NIPAL3: variants seen among roughly 807,000 people sequenced by gnomAD.
NIPAL3 encodes NIPA like domain containing 3.
A neutral mutation model predicts 47.2 loss-of-function variants in NIPAL3; 41 were observed. That is an observed-to-expected ratio of 0.87 (90% CI 0.68 to 1.13). NIPAL3 has a LOEUF of 1.13. Ranked by LOEUF, NIPAL3 falls within the 50% of genes most tolerant of loss-of-function variation. The pLI, the probability that NIPAL3 is intolerant of heterozygous loss-of-function variation, is 0.00. For missense variants in NIPAL3, 449 were observed against 530.1 expected (o/e 0.85, Z 1.50); for synonymous variants, 194 against 209.6 (o/e 0.93, Z 0.64).
chr1:24,428,258 AAG>A (rs56082168), intron 2 of NIPAL3, among the ~76,000 whole-genome samples: 2,156 of 119,522 alleles, frequency 0.018, 54 homozygotes, highest in East Asian at 0.072. Flanking sequence ...CTCAAAAAGA[AAG>A]AGAGAGAGAG....
chr1:24,442,906 G>A (rs1645463767), intron 4 of NIPAL3, among the ~76,000 whole-genome samples: 1 of 152,224 alleles, frequency 6.6e-6, no homozygotes, highest in African/African-American at 2.4e-5. Flanking sequence ...GTGTTTGAGT[G>A]CTGCAGTGAG....
At chr1:24,422,635 G>C (rs952829438) in intron 2 of NIPAL3, among the ~76,000 whole-genome samples, 24 of 152,254 alleles carry the variant, frequency 1.6e-4, no homozygotes, top group African/African-American at 5.5e-4. Context: ...AATCAGCCAG[G>C]TGTGGGAATT....
At chr1:24,427,189 T>A (rs1044802745) in intron 2 of NIPAL3, among the ~76,000 whole-genome samples, 2 of 152,188 alleles carry the variant, frequency 1.3e-5, no homozygotes, top group African/African-American at 4.8e-5. Flanking sequence ...GCATTTATGG[T>A]TTCCAACCTG....
intron 6 of NIPAL3, among the ~76,000 whole-genome samples, chr1:24,452,052 T>C (rs1645963313): frequency 6.6e-6 from 1 of 152,242 alleles, no homozygotes; most frequent in South Asian, 2.1e-4. Context: ...TTAATGTTTC[T>C]GGGTTTTTTT....
chr1:24,470,161 A>G lies in NIPAL3; in HGVS notation c.*976A>G, dbSNP rs930784484. The G allele has an allele frequency of 5.3e-5, 8 of 152,176 alleles. No individual in the cohort carries two copies. The highest frequency in any genetic ancestry group is 2.0e-4 in the Admixed American group (3 of 15,272). The allele number at this position is 152,176 out of a possible 1,614,324, so 9.4% of individuals were successfully genotyped here. A position where few individuals can be genotyped will look rare whatever the true frequency, so the allele number is the denominator to read the frequency against. ...TTACTGGTTAATTTCCTTGAAGTCA[A>G]TAGAGACTCTCTGGGTCCTCATCCC... is the stretch of plus-strand genomic sequence containing the variant. On this transcript the variant is annotated 3_prime_UTR_variant, in exon 12 of 12. Coordinates refer to ENST00000374399, the MANE Select transcript of NIPAL3 (RefSeq NM_020448.5).
intron 10 of NIPAL3, among the ~76,000 whole-genome samples, chr1:24,463,595 C>T (rs1646570965): frequency 2.0e-5 from 3 of 152,170 alleles, no homozygotes; most frequent in Admixed American, 2.0e-4. Context: ...TATACACCTA[C>T]CTGGCCGAGT....
At position 24,469,313 on chromosome 1, in the gene NIPAL3, A is replaced by G. The variant is rs1646829475; in HGVS notation, c.*128A>G. The G allele has an allele frequency of 4.0e-6, 3 of 755,646 alleles. No individual in the cohort carries two copies. The Admixed American group carries it at 8.8e-5, about 22-fold the overall frequency. The allele number at this position is 755,646 out of a possible 1,614,324, so 46.8% of individuals were successfully genotyped here. A position where few individuals can be genotyped will look rare whatever the true frequency, so the allele number is the denominator to read the frequency against. ...AACTCTATGGATGATGATCTCAAAA[A>G]GCCTTTGTCTCTGGGAAAGGATGCG... On this transcript the variant is annotated 3_prime_UTR_variant, in exon 12 of 12. Transcript: ENST00000374399.
intron 1 of NIPAL3, 112 bp from the exon 2 acceptor site, chr1:24,419,179 C>T (rs1419578371): frequency 4.5e-6 from 2 of 445,194 alleles, no homozygotes; most frequent in Non-Finnish European, 6.0e-6. Flanking sequence ...AATGGACTCA[C>T]TTGTCATGGC....
At chr1:24,414,677 G>A (rs1046588746), upstream of NIPAL3, 3 of 151,750 alleles carry the variant, frequency 2.0e-5, no homozygotes, top group African/African-American at 7.3e-5. Flanking sequence ...TGGGACCACG[G>A]GCGCTCGCCA....
rs747745472 is a variant in NIPAL3, at chr1:24,451,646, G to A, written c.541-1762G>A. Among the ~76,000 whole-genome samples, 3 of 151,960 alleles carry A rather than the reference G, an allele frequency of 2.0e-5. No homozygotes were observed. Among genetic ancestry groups the A allele is most frequent in the African/African-American group, 7.3e-5 (3 of 41,342 alleles). Reference sequence around the variant, plus strand: ...TTGAGCCCTGGAGGTCAAAGCTGCAGTAAGCCATGATCACAGTACTGCACT... The same window carrying A: ...TTGAGCCCTGGAGGTCAAAGCTGCAATAAGCCATGATCACAGTACTGCACT... On this transcript the variant is annotated intron_variant, in intron 6 of 11. Transcript: ENST00000374399. This position sits in a 1 kb window ranked among gnomAD's most constrained non-coding sequence, Gnocchi z 4.5.
intron 7 of NIPAL3, among the ~76,000 whole-genome samples, chr1:24,453,874 A>T (rs1451987913): frequency 6.6e-6 from 1 of 152,194 alleles, no homozygotes; most frequent in Non-Finnish European, 1.5e-5. Flanking sequence ...CCCTGAAAAG[A>T]TCCATGCAAA....
intron 2 of NIPAL3, among the ~76,000 whole-genome samples, chr1:24,438,050 T>C (rs1435786745): frequency 1.3e-5 from 2 of 152,182 alleles, no homozygotes; most frequent in African/African-American, 2.4e-5. Flanking sequence ...TCTGGGGGCC[T>C]CCCAGCAGTG....
In NIPAL3 at chr1:24,469,347, G is replaced by T. The variant is rs1402172072; in HGVS notation, c.*162G>T. ...CTCTGGGAAAGGATGCGTTATCTTG[G>T]TCTTGGAAATTTCAAATGATGAGGG... On this transcript the variant is annotated 3_prime_UTR_variant, in exon 12 of 12. Transcript: ENST00000374399. The T allele has an allele frequency of 8.0e-6, 5 of 623,308 alleles. No individual in the cohort carries two copies. The highest frequency in any genetic ancestry group is 1.4e-5 in the Non-Finnish European group (5 of 366,266). The allele number at this position is 623,308 out of a possible 1,614,324, so 38.6% of individuals were successfully genotyped here. A position where few individuals can be genotyped will look rare whatever the true frequency, so the allele number is the denominator to read the frequency against.
At chr1:24,434,853 T>G (rs555307675) in intron 2 of NIPAL3, among the ~76,000 whole-genome samples, 1 of 151,746 alleles carries the variant, frequency 6.6e-6, no homozygotes, top group South Asian at 2.1e-4. Flanking sequence ...AACCAACAAG[T>G]CAATGAAAAA....
chr1:24,465,623 G>T (rs1646665769), intron 11 of NIPAL3: 1 of 154,162 alleles, frequency 6.5e-6, no homozygotes, highest in African/African-American at 2.4e-5. Context: ...ACTTCCGATT[G>T]TAGGTGTTCT....
intron 6 of NIPAL3, among the ~76,000 whole-genome samples, chr1:24,450,041 G>A (rs184982922): frequency 8.7e-4 from 132 of 152,312 alleles, no homozygotes; most frequent in African/African-American, 3.0e-3. Flanking sequence ...CCCAGCAGTA[G>A]AATGGATAAA....
intron 10 of NIPAL3, 34 bp from the exon 11 acceptor site, chr1:24,463,992 T>G: frequency 6.3e-7 from 1 of 1,579,558 alleles, no homozygotes; most frequent in Non-Finnish European, 8.7e-7. Flanking sequence ...GCTCCTGGCC[T>G]TATTTCTCTT....
At chr1:24,431,317 C>G (rs1000695060) in intron 2 of NIPAL3, among the ~76,000 whole-genome samples, 2 of 152,144 alleles carry the variant, frequency 1.3e-5, no homozygotes, top group African/African-American at 2.4e-5. Context: ...AAGGACAAGC[C>G]TTTCTTTGAT....
intron 2 of NIPAL3, among the ~76,000 whole-genome samples, chr1:24,427,491 G>A (rs1570209465): frequency 6.6e-6 from 1 of 152,182 alleles, no homozygotes; most frequent in East Asian, 1.9e-4. Flanking sequence ...ACATTCATAT[G>A]TTATGGAAAT....
Sources: gnomAD v4.1 joint callset for allele counts (sites outside exome capture counted in the v4.1 genomes callset) on GRCh38, gnomAD v4.1.1 for gene constraint, Gnocchi (gnomAD v3.1) non-coding constraint, MANE v1.5 for transcripts, NCBI Gene and HGNC (gene_info 2026-07-23, HGNC 2026-07-21) for gene names.